Variants in RAD52 observed in about 807,000 individuals in gnomAD.
The protein encoded by RAD52 is DNA repair protein RAD52 homolog.
A neutral mutation model predicts 55.5 loss-of-function variants in RAD52; 47 were observed. That is an observed-to-expected ratio of 0.85 (90% CI 0.67 to 1.08). The LOEUF is 1.08. Among genes scored for constraint, RAD52 ranks in the 50% least tolerant of loss-of-function variants. The probability of loss-of-function intolerance (pLI) is 0.00; values close to 1 mark genes in which losing one functional copy is unlikely to be tolerated. For synonymous variants in RAD52, 184 were observed against 198.9 expected, an observed-to-expected ratio of 0.92 and a Z score of 0.63; for missense variants, 468 against 522.8, an observed-to-expected ratio of 0.90 and a Z score of 1.02.
chr12:964,671 TG>T (rs1238373749), intron 1 of RAD52, among the ~76,000 whole-genome samples: 2 of 152,040 alleles, frequency 1.3e-5, no homozygotes, highest in African/African-American at 4.8e-5. Context: ...TTCAACCTTC[TG>T]AACTCAAGAG....
intron 1 of RAD52, among the ~76,000 whole-genome samples, chr12:961,309 CAAAAAAA>C (rs60547688): frequency 6.5e-4 from 22 of 33,810 alleles, no homozygotes; most frequent in Non-Finnish European, 9.6e-4. Flanking sequence ...GACTCCATCT[CAAAAAAA>C]AAAAAAAAAA....
At chr12:959,504 C>T (rs746676763) in intron 1 of RAD52, among the ~76,000 whole-genome samples, 3 of 152,138 alleles carry the variant, frequency 2.0e-5, no homozygotes, top group South Asian at 2.1e-4. Context: ...GACTTTATGT[C>T]GATAACTGCG....
At chr12:938,867 T>C (rs11064601) in intron 1 of RAD52, among the ~76,000 whole-genome samples, 39,755 of 151,770 alleles carry the variant, frequency 0.26, 5,343 homozygotes, top group East Asian at 0.36. Flanking sequence ...GCTCAGGTGA[T>C]CCTTCTGCCT....
chr12:939,685 T>C (rs1182553869), intron 1 of RAD52, among the ~76,000 whole-genome samples: 1 of 152,180 alleles, frequency 6.6e-6, no homozygotes, highest in Non-Finnish European at 1.5e-5. Flanking sequence ...TAGAAAAACG[T>C]CAATTTCTTG....
intron 7 of RAD52, among the ~76,000 whole-genome samples, chr12:918,776 G>A (rs1565651948): frequency 6.6e-6 from 1 of 151,902 alleles, no homozygotes; most frequent in African/African-American, 2.4e-5. Context: ...TGACTGCAAG[G>A]AACACAGCTG....
intron 8 of RAD52, 51 bp from the exon 9 acceptor site, chr12:916,534 T>G (rs529270118): frequency 1.5e-5 from 24 of 1,605,654 alleles, no homozygotes; most frequent in Middle Eastern, 1.7e-4. Context: ...CAGCCGCGGC[T>G]GCTGGGAGGA....
chr12:979,579 A>G (rs1432783931), intron 1 of RAD52, among the ~76,000 whole-genome samples: 1 of 151,990 alleles, frequency 6.6e-6, no homozygotes, highest in Non-Finnish European at 1.5e-5. Context: ...GTGTGTGTGC[A>G]TACACAGAGA....
At chr12:932,883 T>C (rs749680407) in intron 2 of RAD52, 92 bp downstream of exon 2, 248 of 878,960 alleles carry the variant, frequency 2.8e-4, no homozygotes, top group Non-Finnish European at 3.9e-4. Flanking sequence ...TAGGTACTGC[T>C]CACACATGTA....
At chr12:980,295 CTTTTTTT>C (rs1051155058) in intron 1 of RAD52, among the ~76,000 whole-genome samples, 1 of 139,660 alleles carries the variant, frequency 7.2e-6, no homozygotes, top group Non-Finnish European at 1.6e-5. Context: ...GTTGTCTTTC[CTTTTTTT>C]TTTTTTTTGA....
Position 913,440 on chromosome 12 carries a change from G to A in RAD52, c.1208C>T (p.Ser403Phe), listed in dbSNP as rs943763656. Residue 403 changes from serine to phenylalanine, a missense_variant, in exon 12 of 12, where the codon TCT (serine) becomes TTT (phenylalanine). Physicochemically the swap from Ser to Phe is radical, Grantham distance 155. Coordinates refer to ENST00000358495, the MANE Select transcript of RAD52 (RefSeq NM_134424.4). The stretch of plus-strand genomic sequence containing the variant: ...CTTCATGTCCTGGCTCTTCCTATGA[G>A]ATTCCCAGTTTCCTATGGAAGACAA... ...ADQRTTGNWESHRKSQDMKKR... is the reference protein window; with the variant it reads ...ADQRTTGNWEFHRKSQDMKKR... The A allele has an allele frequency of 4.4e-6, 7 of 1,605,258 alleles. No homozygotes were observed. The highest frequency in any genetic ancestry group is 3.4e-6 in the Non-Finnish European group (4 of 1,172,214).
rs977316563 is a variant in RAD52 at position 911,856 on chromosome 12, C to T, written c.*1535G>A. On this transcript the variant is annotated 3_prime_UTR_variant, in exon 12 of 12. Coordinates refer to ENST00000358495, the MANE Select transcript of RAD52 (RefSeq NM_134424.4). ...CCAACATGGAGAAACCCCGTCTCCT[C>T]TACTAAAAATACAAAAATTAGTCGG... 2.8e-5 allele frequency among the ~76,000 whole-genome samples: 4 copies of T among 142,142 alleles called. No individual in the cohort carries two copies. The highest frequency in any genetic ancestry group is 1.0e-4 in the African/African-American group (4 of 38,960). 93.3% of individuals were successfully genotyped at this position (142,142 alleles called of 152,430 possible).
At chr12:965,875 C>G (rs934383230) in intron 1 of RAD52, among the ~76,000 whole-genome samples, 1 of 151,992 alleles carries the variant, frequency 6.6e-6, no homozygotes, top group Admixed American at 6.6e-5. Context: ...TTAGTAGAGA[C>G]AGGGTTTCGC....
intron 1 of RAD52, among the ~76,000 whole-genome samples, chr12:939,157 C>T (rs143518393): frequency 6.7e-4 from 102 of 151,158 alleles, no homozygotes; most frequent in African/African-American, 2.1e-3. Context: ...GATATGCAGA[C>T]ATTAATTGTA....
chr12:939,087 G>GTGT (rs751632769), intron 1 of RAD52, among the ~76,000 whole-genome samples: 10 of 61,824 alleles, frequency 1.6e-4, no homozygotes, highest in South Asian at 1.6e-3. Flanking sequence ...TGTGTGTGTA[G>GTGT]AGAGAGAGAA....
At chr12:930,983 A>AAT in intron 3 of RAD52, among the ~76,000 whole-genome samples, 1 of 151,890 alleles carries the variant, frequency 6.6e-6, no homozygotes, top group African/African-American at 2.4e-5. Flanking sequence ...AAAATAAAAA[A>AAT]AAAAAAAGAT....
chr12:984,101 T>A (rs1012755582), intron 1 of RAD52, among the ~76,000 whole-genome samples: 3 of 152,202 alleles, frequency 2.0e-5, no homozygotes, highest in Non-Finnish European at 4.4e-5. Context: ...TCCAGAAATG[T>A]TTCTTCTTCC....
intron 1 of RAD52, among the ~76,000 whole-genome samples, chr12:947,065 G>C (rs1359643662): frequency 6.6e-6 from 1 of 152,184 alleles, no homozygotes; most frequent in Non-Finnish European, 1.5e-5. Flanking sequence ...AGTGGCTCAC[G>C]CCTGTAATCC....
intron 7 of RAD52, among the ~76,000 whole-genome samples, chr12:920,659 G>T (rs1006635986): frequency 1.3e-5 from 2 of 151,770 alleles, no homozygotes; most frequent in African/African-American, 4.8e-5. Context: ...AGCAAACTTT[G>T]AGAGGATTGT....
At chr12:927,460 C>T (rs7972168) in intron 5 of RAD52, among the ~76,000 whole-genome samples, 197 bp from the exon 6 acceptor site, 150,655 of 152,182 alleles carry the variant, frequency 0.99, 74,593 homozygotes, top group East Asian at 1. Context: ...CATGTGCCTG[C>T]GGTCAAGGTG....
Sources: gnomAD v4.1 joint callset for allele counts (sites outside exome capture counted in the v4.1 genomes callset) on GRCh38, gnomAD v4.1.1 for gene constraint, MANE v1.5 for transcripts, NCBI Gene and HGNC (gene_info 2026-07-23, HGNC 2026-07-21) for gene names.